Variants in ESRRG observed in about 807,000 individuals in gnomAD.
The protein encoded by ESRRG is estrogen-related receptor gamma.
A neutral mutation model predicts 44.0 loss-of-function variants in ESRRG; 13 were observed. The observed-to-expected ratio is 0.30, with a 90% confidence interval of 0.19 to 0.47. The LOEUF (loss-of-function observed/expected upper bound fraction) is 0.47. ESRRG is among the 20% of genes least tolerant of loss of function. The pLI is 1.00. For synonymous variants in ESRRG, 215 were observed against 214.6 expected, an observed-to-expected ratio of 1.00 and a Z score of -0.02; for missense variants, 395 against 580.6, an observed-to-expected ratio of 0.68 and a Z score of 3.29.
chr1:216,549,811 G>T (rs2055714013), intron 5 of ESRRG, among the ~76,000 whole-genome samples: 2 of 152,190 alleles, frequency 1.3e-5, no homozygotes, highest in African/African-American at 4.8e-5. Flanking sequence ...AATACATGAG[G>T]ATGGCATAAA....
At chr1:216,617,348 G>A (rs1403161186) in intron 3 of ESRRG, among the ~76,000 whole-genome samples, 1 of 152,030 alleles carries the variant, frequency 6.6e-6, no homozygotes, top group Non-Finnish European at 1.5e-5. Context: ...GTAACATAAA[G>A]CCCAAGCAGT....
intron 3 of ESRRG, among the ~76,000 whole-genome samples, chr1:216,614,897 G>A (rs1426803165): frequency 7.2e-5 from 11 of 152,162 alleles, no homozygotes; most frequent in Non-Finnish European, 1.3e-4. Context: ...AAAAAATACT[G>A]ACTATGGGAA....
intron 3 of ESRRG, among the ~76,000 whole-genome samples, chr1:216,624,429 C>A (rs756143050): frequency 3.3e-5 from 5 of 152,274 alleles, no homozygotes; most frequent in Non-Finnish European, 7.4e-5. Context: ...GTGGCCATGA[C>A]CCTCAGGTCC....
intron 1 of ESRRG, among the ~76,000 whole-genome samples, chr1:216,943,395 T>C (rs1362710132): frequency 6.6e-6 from 1 of 152,148 alleles, no homozygotes; most frequent in Non-Finnish European, 1.5e-5. Flanking sequence ...GAATTGCCTC[T>C]CTAAATACAG....
intron 2 of ESRRG, among the ~76,000 whole-genome samples, chr1:216,899,497 A>G (rs930261754): frequency 6.6e-6 from 1 of 152,180 alleles, no homozygotes; most frequent in South Asian, 2.1e-4. Context: ...GAAATACTTC[A>G]TTTATGTTTT....
At chr1:216,842,968 A>T (rs11117693) in intron 2 of ESRRG, among the ~76,000 whole-genome samples, 23,716 of 152,156 alleles carry the variant, frequency 0.16, 2,205 homozygotes, top group South Asian at 0.2. Flanking sequence ...TATCATCAAA[A>T]TATTAGTGAC....
intron 3 of ESRRG, among the ~76,000 whole-genome samples, chr1:216,625,001 C>T (rs146635377): frequency 3.3e-5 from 5 of 152,050 alleles, no homozygotes; most frequent in Non-Finnish European, 7.4e-5. Context: ...CCTCATTGAA[C>T]CTTCATTCAA....
intron 1 of ESRRG, among the ~76,000 whole-genome samples, chr1:217,013,751 A>T (rs529275971): frequency 6.6e-6 from 1 of 152,050 alleles, no homozygotes; most frequent in South Asian, 2.1e-4. Context: ...AGGGCCAGTC[A>T]CTATTAGCTA....
intron 1 of ESRRG, among the ~76,000 whole-genome samples, chr1:216,953,432 C>T (rs549147081): frequency 1.4e-3 from 212 of 152,152 alleles, no homozygotes; most frequent in Non-Finnish European, 4.6e-4. Flanking sequence ...GGCTCACAGG[C>T]TTTTTTTCCC....
intron 1 of ESRRG, among the ~76,000 whole-genome samples, chr1:216,986,905 A>T (rs1165233361): frequency 6.6e-6 from 1 of 152,200 alleles, no homozygotes; most frequent in African/African-American, 2.4e-5. Context: ...GAGTAGTGTA[A>T]CTAAAAGAAG....
intron 1 of ESRRG, among the ~76,000 whole-genome samples, chr1:216,962,834 A>G (rs2150194437): frequency 6.6e-6 from 1 of 152,328 alleles, no homozygotes; most frequent in Admixed American, 6.5e-5. Flanking sequence ...ATAGGTGTAG[A>G]AAATAGCAAC....
chr1:216,862,460 T>C (rs2096069478), intron 2 of ESRRG: 1 of 151,942 alleles, frequency 6.6e-6, no homozygotes, highest in Non-Finnish European at 1.5e-5. Context: ...CATGACCTCG[T>C]GACCCCCCCA....
At chr1:216,634,294 C>G (rs888915219) in intron 3 of ESRRG, among the ~76,000 whole-genome samples, 4 of 152,050 alleles carry the variant, frequency 2.6e-5, no homozygotes, top group Non-Finnish European at 5.9e-5. Flanking sequence ...ATTAAAGATC[C>G]CTTTAATTAG....
At chr1:216,795,002 T>C (rs757148168) in intron 2 of ESRRG, among the ~76,000 whole-genome samples, 4 of 152,104 alleles carry the variant, frequency 2.6e-5, no homozygotes, top group Admixed American at 1.3e-4. Context: ...TTTATTTTTG[T>C]CATCTAAGAA....
At chr1:217,003,513 G>T (rs1263848574) in intron 1 of ESRRG, among the ~76,000 whole-genome samples, 1 of 148,508 alleles carries the variant, frequency 6.7e-6, no homozygotes, top group African/African-American at 2.6e-5. Flanking sequence ...AGCTTTATTT[G>T]CTTGTCTCAT....
intron 1 of ESRRG, among the ~76,000 whole-genome samples, chr1:217,123,054 A>T (rs2092842590): frequency 6.6e-6 from 1 of 152,094 alleles, no homozygotes; most frequent in Non-Finnish European, 1.5e-5. Flanking sequence ...TGTTGAGAGC[A>T]ACTATTTGAT....
At chr1:216,603,229 A>AT (rs1374608198) in intron 3 of ESRRG, among the ~76,000 whole-genome samples, 4 of 152,124 alleles carry the variant, frequency 2.6e-5, no homozygotes, top group East Asian at 1.9e-4. Flanking sequence ...ATTCCCTCTT[A>AT]TTTTTTTAAC....
At chr1:216,978,537 A>T (rs1014051670) in intron 1 of ESRRG, among the ~76,000 whole-genome samples, 1 of 152,192 alleles carries the variant, frequency 6.6e-6, no homozygotes, top group African/African-American at 2.4e-5. Context: ...GATCTCCCGG[A>T]CACTGTGGCC....
chr1:216,619,165 GCA>G (rs1192962741), intron 3 of ESRRG, among the ~76,000 whole-genome samples: 2 of 152,142 alleles, frequency 1.3e-5, no homozygotes, highest in Non-Finnish European at 2.9e-5. Flanking sequence ...TCCTAATATT[GCA>G]CAGTTCTGGT....
Sources: allele counts gnomAD v4.1 joint callset (sites outside exome capture counted in the v4.1 genomes callset), GRCh38; gene constraint gnomAD v4.1.1; transcripts MANE v1.5; gene names NCBI Gene and HGNC (gene_info 2026-07-23, HGNC 2026-07-21).